The following YTHDC1 variants were observed in gnomAD, a reference collection of about 807,000 sequenced individuals.
YTHDC1 encodes YTH domain-containing protein 1.
YTHDC1 carries 12 observed loss-of-function variants against 107.0 expected under a neutral mutation model. The observed-to-expected ratio is 0.11, with a 90% CI of 0.07 to 0.18. The LOEUF (loss-of-function observed/expected upper bound fraction) is 0.18, where lower values mean the gene tolerates loss of function less well. YTHDC1 is among the 10% of genes least tolerant of loss of function. YTHDC1 has a pLI of 1.00. For synonymous variants in YTHDC1, 280 were observed against 289.5 expected (o/e 0.97, Z 0.33); for missense variants, 635 against 898.8 (o/e 0.71, Z 3.75).
chr4:68,344,494 G>T (rs138783724), intron 1 of YTHDC1, among the ~76,000 whole-genome samples: 1 of 152,198 alleles, frequency 6.6e-6, no homozygotes, highest in Non-Finnish European at 1.5e-5. Flanking sequence ...TGTGTTGTCA[G>T]ATCTTCCACA....
intron 7 of YTHDC1, 73 bp downstream of exon 7, chr4:68,332,030 A>G (rs182525428): frequency 2.2e-6 from 2 of 907,650 alleles, no homozygotes; most frequent in African/African-American, 3.5e-5. Flanking sequence ...ATGCTACTTG[A>G]TATAATACAA....
intron 1 of YTHDC1, among the ~76,000 whole-genome samples, chr4:68,340,142 T>C (rs543312331): frequency 6.6e-6 from 1 of 152,196 alleles, no homozygotes; most frequent in East Asian, 1.9e-4. Context: ...TTAATTAACC[T>C]GGGGGCTATA....
At chr4:68,329,522 T>C (rs759970541) in intron 9 of YTHDC1, among the ~76,000 whole-genome samples, 1 of 152,198 alleles carries the variant, frequency 6.6e-6, no homozygotes, top group Non-Finnish European at 1.5e-5. Flanking sequence ...AGTAAGGACC[T>C]AAAAATAGTG....
At chr4:68,323,561 G>A (rs186697133) in intron 10 of YTHDC1, among the ~76,000 whole-genome samples, 15 of 151,934 alleles carry the variant, frequency 9.9e-5, no homozygotes, top group Non-Finnish European at 1.9e-4. Flanking sequence ...ACCCTGTCTC[G>A]ACCGAAAATA....
intron 9 of YTHDC1, among the ~76,000 whole-genome samples, chr4:68,328,253 C>T (rs1452588801): frequency 6.6e-6 from 1 of 152,142 alleles, no homozygotes; most frequent in African/African-American, 2.4e-5. Flanking sequence ...TCTCCTGTTC[C>T]CAAGAAAGCA....
chr4:68,322,983 T>C lies in YTHDC1; in HGVS notation c.1435-68A>G. On this transcript the variant is annotated intron_variant, in intron 10 of 16. Coordinates refer to ENST00000344157, the MANE Select transcript of YTHDC1 (RefSeq NM_001031732.4). The surrounding 1 kb of genome is among the most constrained non-coding windows in gnomAD (Gnocchi z 4.8). Reference sequence around the variant, plus strand: ...TTTCAACAGACTTGCATTTTCCTGATGTACCAGAACAAAAACTGACTTGGA... The same window carrying C: ...TTTCAACAGACTTGCATTTTCCTGACGTACCAGAACAAAAACTGACTTGGA... 2 of 1,522,180 alleles carry C rather than the reference T, an allele frequency of 1.3e-6. No individual in the cohort carries two copies. The highest frequency in any genetic ancestry group is 2.5e-5 in the South Asian group (2 of 80,662). 94.3% of individuals were successfully genotyped at this position (1,522,180 alleles called of 1,614,324 possible).
rs1366558237 is a variant in YTHDC1 at position 68,332,163 on chromosome 4, A to G, written c.1062T>C (p.Asp354=). The G allele has an allele frequency of 6.2e-7, 1 of 1,609,398 alleles. No homozygotes were observed. Among genetic ancestry groups the G allele is most frequent in the Non-Finnish European group, 8.5e-7 (1 of 1,177,844 alleles). ...QTSKLKYVLQ[D]ARFFLIKSNN... ...TACTCTTTATGAGGAAAAATCTTGC[A>G]TCTTGAAGCACATATTTGAGTTTAC... Residue 354 remains aspartate, a synonymous_variant, in exon 7 of 17, where the codon GAT becomes GAC. Transcript: ENST00000344157.
At chr4:68,324,056 C>T (rs539665159) in intron 10 of YTHDC1, 83 bp downstream of exon 10, 15 of 1,245,004 alleles carry the variant, frequency 1.2e-5, no homozygotes, top group Middle Eastern at 2.0e-4. Flanking sequence ...TCATCAGAAA[C>T]GGTTAAAACG....
At chr4:68,348,844 T>C (rs891598278) in intron 1 of YTHDC1, among the ~76,000 whole-genome samples, 5 of 152,222 alleles carry the variant, frequency 3.3e-5, no homozygotes, top group Non-Finnish European at 7.3e-5. Flanking sequence ...CCAAGACTAT[T>C]ATGTTAATCT....
chr4:68,332,106 C>T lies in YTHDC1; in HGVS notation c.1119G>A (p.Ala373=), dbSNP rs148462792. The T allele has an allele frequency of 1.7e-5, 27 of 1,591,674 alleles. No homozygotes were observed. Among genetic ancestry groups the T allele is most frequent in the East Asian group, 4.5e-5 (2 of 44,382 alleles). The change falls in exon 7 of 17, where the codon GCG becomes GCA. Residue 373 remains alanine (A), a synonymous_variant. Coordinates refer to ENST00000344157, the MANE Select transcript of YTHDC1 (RefSeq NM_001031732.4). ...NNHENVSLAK[A]KGVWSTLPVN... ...TCAACAGAACTGATGCTAATACCTT[C>T]GCTTTGGCAAGAGACACATTCTCAT...
rs1463750319 is a variant in YTHDC1, at chr4:68,314,308, T to G, written c.1975A>C (p.Arg659=). 1 of 1,613,806 alleles carries G rather than the reference T, an allele frequency of 6.2e-7. No individual in the cohort carries two copies. The highest frequency in any genetic ancestry group is 1.7e-5 in the Admixed American group (1 of 59,972). ...GTGCGACGAAGGAAATCATCCACCC[T>G]CATATCATAATCATGCTAGAAAAGG... ...RDKRVHDYDM[R]VDDFLRRTQA... Residue 659 remains arginine (R), a synonymous_variant, in exon 17 of 17, where the codon AGG becomes CGG. Transcript: ENST00000344157.
chr4:68,342,685 T>C (rs903101760), intron 1 of YTHDC1, among the ~76,000 whole-genome samples: 3 of 152,232 alleles, frequency 2.0e-5, no homozygotes, highest in Non-Finnish European at 4.4e-5. Flanking sequence ...CTGCTGCTTC[T>C]GGCCATATTC....
intron 9 of YTHDC1, 123 bp from the exon 10 acceptor site, chr4:68,324,346 T>G (rs1258872412): frequency 1.3e-6 from 1 of 752,206 alleles, no homozygotes; most frequent in African/African-American, 1.8e-5. Context: ...AAAAACCACT[T>G]ACAGTGGTTA....
At chr4:68,320,877 G>C (rs1235821229) in intron 11 of YTHDC1, among the ~76,000 whole-genome samples, 1 of 151,734 alleles carries the variant, frequency 6.6e-6, no homozygotes. Flanking sequence ...AGAATTAAGG[G>C]AATTTTTTTT....
Position 68,318,670 on chromosome 4 carries a change from A to C in YTHDC1, c.1761+20T>G. On this transcript the variant is annotated intron_variant, in intron 14 of 16. Coordinates refer to ENST00000344157, the MANE Select transcript of YTHDC1 (RefSeq NM_001031732.4). ...GAGCCTGATTTTATCCACATTAAAT[A>C]GATAAAATGAAATGCTTACCCCATT... 6.2e-7 allele frequency: 1 copy of C among 1,612,088 alleles called. No individual in the cohort carries two copies. Among genetic ancestry groups the C allele is most frequent in the Non-Finnish European group, 8.5e-7 (1 of 1,178,144 alleles).
chr4:68,337,634 T>A lies in YTHDC1; in HGVS notation c.397A>T (p.Thr133Ser). 6.2e-7 allele frequency: 1 copy of A among 1,613,632 alleles called. No homozygotes were observed. Among genetic ancestry groups the A allele is most frequent in the Non-Finnish European group, 8.5e-7 (1 of 1,179,942 alleles). ...REPYKNQPEK[T>S]CVRKRDPERR... ...TCAGGATCCCTTTTCCGGACACAGG[T>A]TTTTTCAGGTTGATTCTTATAAGGT... The change falls in exon 3 of 17, where the codon ACC becomes TCC. Residue 133 changes from threonine (T) to serine (S), a missense_variant. Physicochemically the swap from Thr to Ser is moderately conservative, Grantham distance 58. Coordinates refer to ENST00000344157, the MANE Select transcript of YTHDC1 (RefSeq NM_001031732.4).
intron 9 of YTHDC1, among the ~76,000 whole-genome samples, chr4:68,325,813 C>A (rs1722931779): frequency 6.6e-6 from 1 of 152,076 alleles, no homozygotes; most frequent in Non-Finnish European, 1.5e-5. Context: ...TATATATATA[C>A]ATGGAAGAGT....
intron 1 of YTHDC1, among the ~76,000 whole-genome samples, chr4:68,344,528 A>G (rs1725204673): frequency 6.6e-6 from 1 of 152,222 alleles, no homozygotes; most frequent in Non-Finnish European, 1.5e-5. Flanking sequence ...TCTGAAACCC[A>G]GATTTTTATT....
At chr4:68,325,637 C>A (rs1722913435) in intron 9 of YTHDC1, among the ~76,000 whole-genome samples, 1 of 152,130 alleles carries the variant, frequency 6.6e-6, no homozygotes, top group African/African-American at 2.4e-5. Flanking sequence ...CTCACCTCAG[C>A]CTCCGAAAAT....
Sources: allele counts gnomAD v4.1 joint callset (sites outside exome capture counted in the v4.1 genomes callset), GRCh38; gene constraint gnomAD v4.1.1; non-coding constraint Gnocchi (gnomAD v3.1); transcripts MANE v1.5; gene names NCBI Gene and HGNC (gene_info 2026-07-23, HGNC 2026-07-21).